RBFOX3: variants seen among roughly 807,000 people sequenced by gnomAD.
RBFOX3 encodes the protein RNA binding fox-1 homolog 3.
RBFOX3 carries 17 observed loss-of-function variants against 48.7 expected under a neutral mutation model. That is an observed-to-expected ratio of 0.35 (90% confidence interval 0.24 to 0.52). The LOEUF (loss-of-function observed/expected upper bound fraction) is 0.52, where lower values mean the gene tolerates loss of function less well. Ranked by LOEUF, RBFOX3 falls within the 20% of genes least tolerant of loss-of-function variation. The pLI, the probability that RBFOX3 is intolerant of heterozygous loss-of-function variation, is 0.94. For synonymous variants in RBFOX3, 212 were observed against 209.5 expected, an observed-to-expected ratio of 1.01 and a Z score of -0.10; for missense variants, 382 against 497.5, an observed-to-expected ratio of 0.77 and a Z score of 2.21.
At chr17:79,337,778 A>G (rs1211903795) in intron 2 of RBFOX3, among the ~76,000 whole-genome samples, 1 of 152,192 alleles carries the variant, frequency 6.6e-6, no homozygotes, top group Non-Finnish European at 1.5e-5. Flanking sequence ...CCAGTCTCAA[A>G]AAAGAAAAAG....
At chr17:79,190,271 C>T (rs982843631) in intron 4 of RBFOX3, among the ~76,000 whole-genome samples, 8 of 152,208 alleles carry the variant, frequency 5.3e-5, no homozygotes, top group East Asian at 3.9e-4. Flanking sequence ...ATTAGCCAGG[C>T]GTGGTGACAC....
intron 3 of RBFOX3, among the ~76,000 whole-genome samples, chr17:79,251,181 C>A (rs1567918549): frequency 6.6e-6 from 1 of 152,098 alleles, no homozygotes; most frequent in Non-Finnish European, 1.5e-5. Context: ...TAGCCACACA[C>A]CCTGGATGCT....
intron 1 of RBFOX3, among the ~76,000 whole-genome samples, chr17:79,559,081 G>C (rs1242095983): frequency 2.0e-5 from 3 of 152,122 alleles, no homozygotes; most frequent in African/African-American, 7.2e-5. Context: ...AGTCTTACAC[G>C]GGCAGCAGCA....
At chr17:79,620,091 G>A in the RBFOX3 span, among the ~76,000 whole-genome samples, 1 of 131,394 alleles carries the variant, frequency 7.6e-6, no homozygotes, top group African/African-American at 2.8e-5. Context: ...ACAAGCACAT[G>A]CACACATGTG....
chr17:79,300,869 C>T (rs1276657626), intron 3 of RBFOX3, among the ~76,000 whole-genome samples: 1 of 152,178 alleles, frequency 6.6e-6, no homozygotes, highest in Admixed American at 6.5e-5. Flanking sequence ...AGAAAATGGA[C>T]ATTCCAGTGT....
chr17:79,262,320 A>C (rs1483832382), intron 3 of RBFOX3, among the ~76,000 whole-genome samples: 4 of 152,206 alleles, frequency 2.6e-5, no homozygotes, highest in Non-Finnish European at 5.9e-5. Context: ...GGCTGTGGGT[A>C]GGAAAGGGGT....
rs893991107 is a variant in RBFOX3 at position 79,609,051 on chromosome 17, C to A, written c.-320+1775G>T. On this transcript the variant is annotated intron_variant, in intron 1 of 14. Transcript: ENST00000693108. ...TCTCGACAACTTTTCTCCCTCTCTC[C>A]CCTCACAATTTTTGCTCACCTGGAG... Among the ~76,000 whole-genome samples, 247 of 152,264 alleles carry A rather than the reference C, an allele frequency of 1.6e-3. 1 individual carries two copies. Among genetic ancestry groups the A allele is most frequent in the African/African-American group, 5.1e-3 (210 of 41,550 alleles).
chr17:79,115,005 C>G (rs1355854161), intron 5 of RBFOX3, among the ~76,000 whole-genome samples: 2 of 152,188 alleles, frequency 1.3e-5, no homozygotes, highest in Non-Finnish European at 2.9e-5. Context: ...GCCAGCCAAG[C>G]AGGTAGATTA....
chr17:79,618,188 C>T, the RBFOX3 span, among the ~76,000 whole-genome samples: 2 of 152,104 alleles, frequency 1.3e-5, no homozygotes, highest in African/African-American at 2.4e-5. Context: ...TGGGGAGCGG[C>T]GATAGCCTAA....
intron 1 of RBFOX3, among the ~76,000 whole-genome samples, chr17:79,493,007 G>C (rs2080921514): frequency 1.3e-5 from 2 of 152,114 alleles, no homozygotes; most frequent in Non-Finnish European, 2.9e-5. Context: ...CCTGAGGCTG[G>C]GTCATTTATC....
intron 4 of RBFOX3, among the ~76,000 whole-genome samples, chr17:79,228,470 T>A (rs1048660617): frequency 2.6e-5 from 4 of 152,066 alleles, no homozygotes; most frequent in Admixed American, 6.5e-5. Flanking sequence ...ACACACACAC[T>A]CACAGATTTC....
chr17:79,475,302 G>A (rs543264728), intron 2 of RBFOX3, among the ~76,000 whole-genome samples: 31 of 152,230 alleles, frequency 2.0e-4, no homozygotes, highest in African/African-American at 6.3e-4. Context: ...TGGTTTTACC[G>A]CTCAGCCTGC....
In RBFOX3 at chr17:79,111,373, T is replaced by TCTAC. The variant is rs1247674615; in HGVS notation, c.222+4117_222+4120dup. Among the ~76,000 whole-genome samples, 1 of 152,158 alleles carries TCTAC rather than the reference T, an allele frequency of 6.6e-6. No individual in the cohort carries two copies. The highest frequency in any genetic ancestry group is 1.5e-5 in the Non-Finnish European group (1 of 68,014). ...AAACACCAGTCTCATCCCGTCTCCC[T>TCTAC]CTACCTGGCTGGCCCTCCACAGTGA... On this transcript the variant is annotated intron_variant, in intron 5 of 14. Coordinates refer to ENST00000693108, the MANE Select transcript of RBFOX3 (RefSeq NM_001350451.2). The surrounding 1 kb of genome is among the most constrained non-coding windows in gnomAD (Gnocchi z 4.2).
intron 2 of RBFOX3, among the ~76,000 whole-genome samples, chr17:79,322,791 G>A (rs1166745851): frequency 2.0e-5 from 3 of 152,190 alleles, no homozygotes; most frequent in Admixed American, 2.0e-4. Context: ...GTTCTCAAGG[G>A]GGGCCTGGGA....
intron 4 of RBFOX3, chr17:79,183,356 T>G (rs2052604085): frequency 6.6e-6 from 1 of 152,136 alleles, no homozygotes; most frequent in African/African-American, 2.4e-5. Context: ...GAGTTCGCCA[T>G]GGAGCACAGC....
At chr17:79,417,066 C>T (rs1372136632) in intron 2 of RBFOX3, among the ~76,000 whole-genome samples, 2 of 152,236 alleles carry the variant, frequency 1.3e-5, no homozygotes, top group African/African-American at 4.8e-5. Context: ...CTCCCCAGCT[C>T]TGCATAAGGG....
intron 4 of RBFOX3, among the ~76,000 whole-genome samples, chr17:79,173,202 T>C (rs1349597306): frequency 8.8e-6 from 1 of 114,114 alleles, no homozygotes; most frequent in African/African-American, 4.9e-5. Context: ...AGAACGAGAC[T>C]GTCAAATAAA....
chr17:79,171,292 T>C (rs554962617), intron 4 of RBFOX3, among the ~76,000 whole-genome samples: 2 of 152,362 alleles, frequency 1.3e-5, no homozygotes, highest in African/African-American at 4.8e-5. Context: ...ATGCGGCTGT[T>C]AGGAAACGTA....
intron 3 of RBFOX3, among the ~76,000 whole-genome samples, chr17:79,268,358 G>A (rs117046148): frequency 0.036 from 5,459 of 152,182 alleles, 130 homozygotes; most frequent in Non-Finnish European, 0.057. Context: ...GGGCATGACC[G>A]ACATTGCCTC....
Sources: gnomAD v4.1 joint callset for allele counts (sites outside exome capture counted in the v4.1 genomes callset) on GRCh38, gnomAD v4.1.1 for gene constraint, Gnocchi (gnomAD v3.1) non-coding constraint, MANE v1.5 for transcripts, NCBI Gene and HGNC (gene_info 2026-07-23, HGNC 2026-07-21) for gene names.